Variants in SLC38A1 observed in about 807,000 individuals in gnomAD.
SLC38A1 encodes sodium-coupled neutral amino acid symporter 1.
In SLC38A1, 18 loss-of-function variants were observed where a neutral mutation model predicts 60.3. The ratio of observed to expected loss-of-function variants is 0.30; its 90% CI spans 0.21 to 0.44. SLC38A1 has a LOEUF of 0.44. SLC38A1 is among the 20% of genes least tolerant of loss of function. The pLI is 1.00. For missense variants in SLC38A1, 448 were observed against 587.2 expected (o/e 0.76, Z 2.45); for synonymous variants, 196 against 212.1 (o/e 0.92, Z 0.66).
chr12:46,216,840 A>G (rs992068453), intron 5 of SLC38A1, among the ~76,000 whole-genome samples: 2 of 151,206 alleles, frequency 1.3e-5, no homozygotes, highest in African/African-American at 4.9e-5. Context: ...AGCCTGGGTG[A>G]CAGAGTGAGA....
At chr12:46,252,573 G>T (rs946588667) in intron 1 of SLC38A1, among the ~76,000 whole-genome samples, 3 of 151,456 alleles carry the variant, frequency 2.0e-5, no homozygotes, top group African/African-American at 7.3e-5. Context: ...TTACATGAAT[G>T]AATTAATTAA....
intron 1 of SLC38A1, among the ~76,000 whole-genome samples, chr12:46,253,366 G>A (rs901960061): frequency 6.6e-6 from 1 of 152,216 alleles, no homozygotes; most frequent in Non-Finnish European, 1.5e-5. Context: ...GGCCCCAAGG[G>A]CTGCTGGTTG....
At chr12:46,264,932 G>A (rs929058004) in intron 1 of SLC38A1, among the ~76,000 whole-genome samples, 21 of 152,108 alleles carry the variant, frequency 1.4e-4, no homozygotes, top group African/African-American at 5.1e-4. Flanking sequence ...TTCTCCCAGA[G>A]ACTAAAAAGA....
chr12:46,238,518 T>C (rs934253133), intron 3 of SLC38A1, among the ~76,000 whole-genome samples: 12 of 152,174 alleles, frequency 7.9e-5, no homozygotes, highest in Non-Finnish European at 1.3e-4. Context: ...CCTCCCAAAG[T>C]ATAACATTGT....
intron 1 of SLC38A1, among the ~76,000 whole-genome samples, chr12:46,247,080 A>T (rs1592141810): frequency 6.6e-6 from 1 of 152,200 alleles, no homozygotes; most frequent in African/African-American, 2.4e-5. Context: ...TGGGGAAAAA[A>T]TGGAGGAGAA....
chr12:46,230,150 C>T (rs1390855070), intron 3 of SLC38A1, among the ~76,000 whole-genome samples: 1 of 152,168 alleles, frequency 6.6e-6, no homozygotes, highest in Non-Finnish European at 1.5e-5. Flanking sequence ...GGTTCTTGGA[C>T]TACAAAATTG....
In SLC38A1 at chr12:46,247,766, T is replaced by C. The variant is rs144098036; in HGVS notation, c.-208-4452A>G. ...ACCAAAGTTGAAATGAAGGCAAAAA[T>C]GTTAAGGGCAGCCAGAGAGAAAGGT... On this transcript the variant is annotated intron_variant, in intron 1 of 16. Transcript: ENST00000398637. Among the ~76,000 whole-genome samples, 1,010 of 152,082 alleles carry C rather than the reference T, an allele frequency of 6.6e-3. 10 individuals carry two copies. The highest frequency in any genetic ancestry group is 0.023 in the African/African-American group (938 of 41,462).
chr12:46,236,146 G>C (rs1227481934), intron 3 of SLC38A1, among the ~76,000 whole-genome samples: 1 of 152,114 alleles, frequency 6.6e-6, no homozygotes, highest in East Asian at 1.9e-4. Context: ...ATTATATGTG[G>C]TTGGTATTAT....
At chr12:46,189,302 T>C (rs1165283341) in intron 16 of SLC38A1, among the ~76,000 whole-genome samples, 1 of 151,824 alleles carries the variant, frequency 6.6e-6, no homozygotes, top group Non-Finnish European at 1.5e-5. Context: ...TAGTCCTCTA[T>C]GTCCCATTCT....
At chr12:46,267,374 A>G (rs1039529660) in intron 1 of SLC38A1, 2 of 152,280 alleles carry the variant, frequency 1.3e-5, no homozygotes, top group African/African-American at 2.4e-5. Flanking sequence ...GAGCAAGACA[A>G]AGGACTCTGA....
At chr12:46,189,988 G>A (rs1407259321) in intron 16 of SLC38A1, among the ~76,000 whole-genome samples, 2 of 152,036 alleles carry the variant, frequency 1.3e-5, no homozygotes, top group African/African-American at 4.8e-5. Context: ...TGCACAATGT[G>A]TAGGTTTGTT....
intron 6 of SLC38A1, 114 bp from the exon 7 acceptor site, chr12:46,207,735 A>G: frequency 1.0e-6 from 1 of 967,894 alleles, no homozygotes; most frequent in Middle Eastern, 2.2e-4. Flanking sequence ...GCCTTTCTCA[A>G]ACTCACACAA....
At chr12:46,251,738 G>C (rs549194329) in intron 1 of SLC38A1, among the ~76,000 whole-genome samples, 5 of 152,294 alleles carry the variant, frequency 3.3e-5, no homozygotes, top group African/African-American at 1.2e-4. Flanking sequence ...TGGAAAAAAT[G>C]CTCATTATCA....
chr12:46,196,330 A>T, intron 16 of SLC38A1: 1 of 1,530,592 alleles, frequency 6.5e-7, no homozygotes, highest in East Asian at 2.4e-5. Context: ...ATGGCATACC[A>T]TCCTGGGTCC....
chr12:46,255,049 A>G (rs866519766), intron 1 of SLC38A1: 1 of 152,210 alleles, frequency 6.6e-6, no homozygotes, highest in Non-Finnish European at 1.5e-5. Flanking sequence ...ATTCATGAAC[A>G]TTTCACCTCT....
rs147714345 is a variant in SLC38A1 at position 46,213,133 on chromosome 12, C to T, written c.315-4006G>A. ...GCTGTGTGCTGAGATGAACACAATGCTATAACATCAGATTTGGTCCAAACA... is the reference window on the plus strand; with the variant it reads ...GCTGTGTGCTGAGATGAACACAATGTTATAACATCAGATTTGGTCCAAACA... On this transcript the variant is annotated intron_variant, in intron 5 of 16. Coordinates refer to ENST00000398637, the MANE Select transcript of SLC38A1 (RefSeq NM_030674.4). 5.5e-3 allele frequency among the ~76,000 whole-genome samples: 839 copies of T among 152,306 alleles called. 3 individuals are homozygous for T. Among genetic ancestry groups the T allele is most frequent in the African/African-American group, 0.019 (807 of 41,576 alleles).
At chr12:46,249,170 A>AAAAAAAGAG (rs1358930459) in intron 1 of SLC38A1, among the ~76,000 whole-genome samples, 6 of 150,522 alleles carry the variant, frequency 4.0e-5, no homozygotes, top group Admixed American at 6.6e-5. Flanking sequence ...AAAAAAAAAA[A>AAAAAAAGAG]AAAAAGAAAC....
intron 5 of SLC38A1, among the ~76,000 whole-genome samples, chr12:46,210,109 G>T (rs1051244094): frequency 2.2e-4 from 33 of 152,154 alleles, no homozygotes; most frequent in Non-Finnish European, 7.3e-5. Flanking sequence ...TTCGCTCTGC[G>T]TGGGCTGCTT....
chr12:46,216,082 C>G (rs574407227), intron 5 of SLC38A1, among the ~76,000 whole-genome samples: 2 of 152,208 alleles, frequency 1.3e-5, no homozygotes, highest in East Asian at 3.9e-4. Flanking sequence ...GCTGGCCTCT[C>G]CCTCACCCTC....
Sources: allele counts gnomAD v4.1 joint callset (sites outside exome capture counted in the v4.1 genomes callset), GRCh38; gene constraint gnomAD v4.1.1; transcripts MANE v1.5; gene names NCBI Gene and HGNC (gene_info 2026-07-23, HGNC 2026-07-21).